The following FGD4 variants were observed in gnomAD, a reference collection of about 807,000 sequenced individuals.
The protein encoded by FGD4 is FYVE, RhoGEF and PH domain-containing protein 4.
In FGD4, 42 loss-of-function variants were observed where a neutral mutation model predicts 102.0. That is an observed-to-expected ratio of 0.41 (90% confidence interval 0.32 to 0.53). The LOEUF (loss-of-function observed/expected upper bound fraction) is 0.53. Ranked by LOEUF, FGD4 falls within the 20% of genes least tolerant of loss-of-function variation. The probability of loss-of-function intolerance (pLI) is 0.21; values close to 1 mark genes in which losing one functional copy is unlikely to be tolerated. For missense variants in FGD4, 902 were observed against 1,078.2 expected (o/e 0.84, Z 2.29); for synonymous variants, 380 against 375.7 (o/e 1.01, Z -0.13).
At position 32,567,686 on chromosome 12, in the gene FGD4, CT is replaced by C. The variant is rs36064998; in HGVS notation, c.319+3414del. 7.8e-3 allele frequency among the ~76,000 whole-genome samples: 987 copies of C among 126,342 alleles called. 6 individuals are homozygous for C. The highest frequency in any genetic ancestry group is 0.023 in the African/African-American group (781 of 33,614). The allele number at this position is 126,342 out of a possible 152,430, so 82.9% of individuals were successfully genotyped here. On this transcript the variant is annotated intron_variant, in intron 2 of 16. Coordinates refer to ENST00000534526, the MANE Select transcript of FGD4 (RefSeq NM_001370298.3). ...GATTATAGTCACAATTTATTGTGGG[CT>C]TTTTTTTTTTTTTTTTGAGAGAGAG...
chr12:32,562,158 A>G (rs569272765), intron 1 of FGD4, among the ~76,000 whole-genome samples: 2 of 152,270 alleles, frequency 1.3e-5, no homozygotes, highest in African/African-American at 4.8e-5. Flanking sequence ...AAGGCTTTTA[A>G]CGGATTAATT....
At chr12:32,435,531 A>T (rs891755877) in intron 1 of FGD4, among the ~76,000 whole-genome samples, 5 of 91,584 alleles carry the variant, frequency 5.5e-5, no homozygotes, top group African/African-American at 2.6e-4. Flanking sequence ...TAAATGACTA[A>T]GTTGGAATTG....
At chr12:32,638,577 A>G (rs1950981089) in intron 15 of FGD4, 78 bp from the exon 16 acceptor site, 1 of 1,565,844 alleles carries the variant, frequency 6.4e-7, no homozygotes, top group African/African-American at 1.4e-5. Context: ...CATTTTGTAT[A>G]AACACATTGT....
At chr12:32,502,081 G>C (rs573943922) in intron 1 of FGD4, 1 of 985,496 alleles carries the variant, frequency 1.0e-6, no homozygotes, top group African/African-American at 1.7e-5. Flanking sequence ...ATAAGCAGTA[G>C]TCACACACTT....
chr12:32,634,913 G>A (rs954050711), intron 15 of FGD4, among the ~76,000 whole-genome samples: 8 of 152,216 alleles, frequency 5.3e-5, no homozygotes, highest in South Asian at 4.1e-4. Flanking sequence ...GCTTGAACCC[G>A]GGAGGCGGAG....
intron 1 of FGD4, among the ~76,000 whole-genome samples, chr12:32,552,104 G>T (rs910493610): frequency 1.3e-5 from 2 of 152,202 alleles, no homozygotes; most frequent in Admixed American, 1.3e-4. Flanking sequence ...GCTCAAGATG[G>T]TGTCAACTAG....
chr12:32,571,997 T>C (rs1945706168), intron 2 of FGD4, among the ~76,000 whole-genome samples: 1 of 151,982 alleles, frequency 6.6e-6, no homozygotes, highest in African/African-American at 2.4e-5. Flanking sequence ...CCCAGGAGTT[T>C]GAGGTTACAA....
intron 1 of FGD4, among the ~76,000 whole-genome samples, chr12:32,527,287 G>A (rs1169448753): frequency 6.6e-6 from 1 of 152,156 alleles, no homozygotes; most frequent in Non-Finnish European, 1.5e-5. Flanking sequence ...AAACATACAC[G>A]TCGAAGGGTG....
intron 2 of FGD4, among the ~76,000 whole-genome samples, chr12:32,566,843 T>G (rs910162775): frequency 6.6e-6 from 1 of 152,200 alleles, no homozygotes; most frequent in African/African-American, 2.4e-5. Flanking sequence ...GCAAATCCCT[T>G]ACAAGTTGTG....
chr12:32,442,908 G>A (rs979713425), intron 1 of FGD4, among the ~76,000 whole-genome samples: 1 of 152,132 alleles, frequency 6.6e-6, no homozygotes, highest in African/African-American at 2.4e-5. Flanking sequence ...ATAGCTCATT[G>A]TGGTCTTAAT....
chr12:32,565,896 CA>C (rs1185077536), intron 2 of FGD4, among the ~76,000 whole-genome samples: 2 of 152,142 alleles, frequency 1.3e-5, no homozygotes, highest in Non-Finnish European at 2.9e-5. Context: ...ACTTCTTTTT[CA>C]AAATACTTTC....
At chr12:32,598,913 A>G (rs1456356658) in intron 5 of FGD4, among the ~76,000 whole-genome samples, 1 of 152,208 alleles carries the variant, frequency 6.6e-6, no homozygotes, top group African/African-American at 2.4e-5. Flanking sequence ...TAAATAAGAT[A>G]TTGATGATTC....
intron 14 of FGD4, among the ~76,000 whole-genome samples, chr12:32,632,585 G>C (rs66996003): frequency 3.9e-5 from 6 of 152,012 alleles, no homozygotes; most frequent in Admixed American, 3.9e-4. Flanking sequence ...CAGGACTTTG[G>C]AGGCCATGAT....
intron 1 of FGD4, among the ~76,000 whole-genome samples, chr12:32,481,023 C>T (rs765196593): frequency 1.3e-5 from 2 of 148,964 alleles, no homozygotes; most frequent in Non-Finnish European, 3.0e-5. Context: ...CCCTATGTTG[C>T]CCGGGCTGGC....
In FGD4 at chr12:32,564,114, CCTTT is replaced by C. The variant is rs1944986250; in HGVS notation, c.167-16_167-13del. ...GTGATATGCCTCCATACTTACCTGCCCTTTCTTTCTGAACTCTTGCAGGCAGCAG... is the reference window on the plus strand; with the variant it reads ...GTGATATGCCTCCATACTTACCTGCCCTTTCTGAACTCTTGCAGGCAGCAG... On this transcript the variant is annotated intron_variant, in intron 1 of 16. Transcript: ENST00000534526. The C allele has an allele frequency of 4.6e-6, 7 of 1,532,004 alleles. No homozygotes were observed. Among genetic ancestry groups the C allele is most frequent in the African/African-American group, 1.4e-5 (1 of 73,000 alleles). The allele number at this position is 1,532,004 out of a possible 1,614,324, so 94.9% of individuals were successfully genotyped here.
intron 4 of FGD4, among the ~76,000 whole-genome samples, chr12:32,597,941 A>G (rs1437380240): frequency 6.6e-6 from 1 of 152,124 alleles, no homozygotes; most frequent in Non-Finnish European, 1.5e-5. Flanking sequence ...GCAGTGGCAC[A>G]GTCATGGCTT....
chr12:32,526,797 G>A (rs1941275973), intron 1 of FGD4, among the ~76,000 whole-genome samples: 1 of 152,146 alleles, frequency 6.6e-6, no homozygotes, highest in Non-Finnish European at 1.5e-5. Flanking sequence ...CCACTGGGAG[G>A]AACGAACAAC....
In FGD4 at chr12:32,640,881, C is replaced by A; in HGVS notation, c.*348C>A. On this transcript the variant is annotated 3_prime_UTR_variant, in exon 17 of 17. Coordinates refer to ENST00000534526, the MANE Select transcript of FGD4 (RefSeq NM_001370298.3). ...TCCTTTCATGTCTTCTTCTCTTTCA[C>A]ATGTAGGACCTGGAACAGTTTGAAA... 1.9e-6 allele frequency: 1 copy of A among 519,372 alleles called. No homozygotes were observed. 32.2% of individuals were successfully genotyped at this position (519,372 alleles called of 1,614,324 possible). A position where few individuals can be genotyped will look rare whatever the true frequency, so the allele number is the denominator to read the frequency against.
chr12:32,573,263 TTTTTTGTA>T (rs960312289), intron 2 of FGD4, among the ~76,000 whole-genome samples: 5 of 152,112 alleles, frequency 3.3e-5, no homozygotes, highest in Non-Finnish European at 5.9e-5. Context: ...ACCCGGCTAA[TTTTTTGTA>T]TTTTTAGTAG....
Sources: allele counts gnomAD v4.1 joint callset (sites outside exome capture counted in the v4.1 genomes callset), GRCh38; gene constraint gnomAD v4.1.1; transcripts MANE v1.5; gene names NCBI Gene and HGNC (gene_info 2026-07-23, HGNC 2026-07-21).